Variants in EXOC4 observed in about 807,000 individuals in gnomAD.
EXOC4 encodes SEC8-like 1.
A neutral mutation model predicts 107.2 loss-of-function variants in EXOC4; 71 were observed. That is an observed-to-expected ratio of 0.66 (90% CI 0.55 to 0.81). The LOEUF is 0.81. EXOC4 is among the 30% of genes least tolerant of loss of function. The probability of loss-of-function intolerance (pLI) is 0.00; values close to 1 mark genes in which losing one functional copy is unlikely to be tolerated. For missense variants in EXOC4, 1,108 were observed against 1,189.6 expected, an observed-to-expected ratio of 0.93 and a Z score of 1.01; for synonymous variants, 456 against 441.2, an observed-to-expected ratio of 1.03 and a Z score of -0.42.
At chr7:134,025,290 C>T (rs549532591) in intron 17 of EXOC4, among the ~76,000 whole-genome samples, 2 of 152,228 alleles carry the variant, frequency 1.3e-5, no homozygotes, top group Admixed American at 1.3e-4. Flanking sequence ...AATTATATAA[C>T]AAACTTAACT....
rs140388661 is a variant in EXOC4, at chr7:133,661,445, A to G, written c.1514+31304A>G. The stretch of plus-strand genomic sequence containing the variant: ...GGCAAAAGTGTAAAAGTTTGCTGCT[A>G]CAAAGAATACAGAAAACTCAGAAAG... On this transcript the variant is annotated intron_variant, in intron 10 of 17. Coordinates refer to ENST00000253861, the MANE Select transcript of EXOC4 (RefSeq NM_021807.4). Among the ~76,000 whole-genome samples, 4 of 152,270 alleles carry G rather than the reference A, an allele frequency of 2.6e-5. No individual in the cohort carries two copies. In the East Asian group the frequency reaches 7.7e-4, roughly 29 times the overall value.
At chr7:133,471,930 GGTATA>G (rs968128597) in intron 7 of EXOC4, among the ~76,000 whole-genome samples, 1 of 152,072 alleles carries the variant, frequency 6.6e-6, no homozygotes, top group African/African-American at 2.4e-5. Context: ...TTCAGGAAAG[GGTATA>G]GCCAACTAGA....
In EXOC4 at chr7:133,883,523, G is replaced by A. The variant is rs150883469; in HGVS notation, c.1735-12076G>A. Among the ~76,000 whole-genome samples, 357 of 151,360 alleles carry A rather than the reference G, an allele frequency of 2.4e-3. 5 individuals carry two copies. Among genetic ancestry groups the A allele is most frequent in the African/African-American group, 8.1e-3 (333 of 41,270 alleles). On this transcript the variant is annotated intron_variant, in intron 11 of 17. Coordinates refer to ENST00000253861, the MANE Select transcript of EXOC4 (RefSeq NM_021807.4). ...CCTGGTATGGTGGCCTCTGCCTGTAGTCTCAGCTACTGGAGAGTCTGAGGT... is the reference window on the plus strand; with the variant it reads ...CCTGGTATGGTGGCCTCTGCCTGTAATCTCAGCTACTGGAGAGTCTGAGGT...
At chr7:133,920,938 T>C (rs900981364) in intron 13 of EXOC4, among the ~76,000 whole-genome samples, 4 of 152,200 alleles carry the variant, frequency 2.6e-5, no homozygotes, top group African/African-American at 9.6e-5. Flanking sequence ...AAATCTAGAC[T>C]GATGTATTAG....
At chr7:133,441,876 A>G (rs1277502191) in intron 7 of EXOC4, among the ~76,000 whole-genome samples, 1 of 152,164 alleles carries the variant, frequency 6.6e-6, no homozygotes, top group African/African-American at 2.4e-5. Flanking sequence ...ACGCACACAT[A>G]CCTATGTAAA....
intron 14 of EXOC4, among the ~76,000 whole-genome samples, chr7:133,954,012 C>G (rs984836886): frequency 6.6e-6 from 1 of 152,208 alleles, no homozygotes; most frequent in Admixed American, 6.5e-5. Context: ...GAGGCTCAAT[C>G]TTCTGCCATT....
intron 10 of EXOC4, among the ~76,000 whole-genome samples, chr7:133,748,706 C>T (rs992190847): frequency 3.9e-5 from 6 of 152,158 alleles, no homozygotes; most frequent in African/African-American, 1.4e-4. Flanking sequence ...GCACAGTCTT[C>T]CCCAACAGAC....
At chr7:133,630,788 A>G (rs528443687) in intron 10 of EXOC4, among the ~76,000 whole-genome samples, 2 of 152,222 alleles carry the variant, frequency 1.3e-5, no homozygotes, top group Non-Finnish European at 2.9e-5. Context: ...ATAACATGAT[A>G]TGACTAGAGT....
intron 11 of EXOC4, among the ~76,000 whole-genome samples, chr7:133,850,086 G>C (rs534958772): frequency 6.6e-6 from 1 of 152,174 alleles, no homozygotes; most frequent in African/African-American, 2.4e-5. Flanking sequence ...TGAGCTGCGT[G>C]TGTTCTTCTA....
intron 7 of EXOC4, among the ~76,000 whole-genome samples, chr7:133,397,003 A>G (rs1796982669): frequency 6.6e-6 from 1 of 152,180 alleles, no homozygotes; most frequent in South Asian, 2.1e-4. Flanking sequence ...TCACAACAAT[A>G]ATCATGATTC....
intron 7 of EXOC4, among the ~76,000 whole-genome samples, chr7:133,447,615 C>T (rs1443501355): frequency 6.6e-6 from 1 of 151,588 alleles, no homozygotes; most frequent in African/African-American, 2.4e-5. Flanking sequence ...AAGCTTTTTT[C>T]TGTTTATCAA....
chr7:133,794,913 G>A (rs1222717475), intron 10 of EXOC4, among the ~76,000 whole-genome samples: 1 of 151,750 alleles, frequency 6.6e-6, no homozygotes, highest in African/African-American at 2.4e-5. Context: ...TTAAACATTA[G>A]GTATATCTCC....
At chr7:133,899,618 A>G (rs1158802087) in intron 12 of EXOC4, among the ~76,000 whole-genome samples, 1 of 152,116 alleles carries the variant, frequency 6.6e-6, no homozygotes, top group Non-Finnish European at 1.5e-5. Flanking sequence ...TAAACTGAAC[A>G]TTCCCAGTTT....
intron 9 of EXOC4, among the ~76,000 whole-genome samples, chr7:133,511,405 A>G (rs963238147): frequency 6.6e-6 from 1 of 152,148 alleles, no homozygotes; most frequent in Non-Finnish European, 1.5e-5. Flanking sequence ...GGTAAGGGTT[A>G]TTTCGTAAGG....
intron 10 of EXOC4, among the ~76,000 whole-genome samples, chr7:133,712,601 A>T (rs1157291782): frequency 6.6e-6 from 1 of 152,132 alleles, no homozygotes; most frequent in Non-Finnish European, 1.5e-5. Flanking sequence ...ACTCCTAGAT[A>T]TATATACCAA....
At chr7:133,673,918 C>T (rs1375508979) in intron 10 of EXOC4, among the ~76,000 whole-genome samples, 1 of 152,156 alleles carries the variant, frequency 6.6e-6, no homozygotes, top group Non-Finnish European at 1.5e-5. Flanking sequence ...ATTGTTAAAG[C>T]CACTCACAGT....
chr7:134,093,040 G>A, the EXOC4 span, among the ~76,000 whole-genome samples: 1 of 151,102 alleles, frequency 6.6e-6, no homozygotes, highest in East Asian at 1.9e-4. Context: ...AAATTACAAA[G>A]CAAAAAGCTA....
chr7:133,400,545 T>C (rs187613158), intron 7 of EXOC4, among the ~76,000 whole-genome samples: 1 of 152,220 alleles, frequency 6.6e-6, no homozygotes, highest in Non-Finnish European at 1.5e-5. Flanking sequence ...AGGATTCTTT[T>C]TGCTTTTCTT....
At chr7:133,818,721 G>A (rs569557997) in intron 11 of EXOC4, among the ~76,000 whole-genome samples, 2 of 151,958 alleles carry the variant, frequency 1.3e-5, no homozygotes, top group African/African-American at 4.8e-5. Flanking sequence ...GCATGGCTGG[G>A]GTCTTCTCCT....
Sources: allele counts gnomAD v4.1 joint callset (sites outside exome capture counted in the v4.1 genomes callset), GRCh38; gene constraint gnomAD v4.1.1; transcripts MANE v1.5; gene names NCBI Gene and HGNC (gene_info 2026-07-23, HGNC 2026-07-21).